The following CFH variants were observed in gnomAD, a reference collection of about 807,000 sequenced individuals.
CFH encodes complement factor H, also known as H factor 1 (complement).
Under a neutral mutation model 147.3 loss-of-function variants are expected in CFH, and 53 were observed. The ratio of observed to expected loss-of-function variants is 0.36; its 90% CI spans 0.29 to 0.45. The LOEUF (loss-of-function observed/expected upper bound fraction) is 0.45. Among genes scored for constraint, CFH ranks in the 20% least tolerant of loss-of-function variants. The pLI is 1.00. For missense variants in CFH, 1,380 were observed against 1,498.0 expected, an observed-to-expected ratio of 0.92 and a Z score of 1.30; for synonymous variants, 536 against 489.4, an observed-to-expected ratio of 1.10 and a Z score of -1.26.
intron 9 of CFH, among the ~76,000 whole-genome samples, chr1:196,704,114 A>G (rs1026930721): frequency 2.0e-5 from 3 of 150,266 alleles, no homozygotes; most frequent in South Asian, 2.1e-4. Context: ...GTCTTGCCCT[A>G]TCGCCCAGGC....
chr1:196,715,488 A>G (rs1668847752), intron 10 of CFH, 105 bp from the exon 11 acceptor site: 1 of 864,270 alleles, frequency 1.2e-6, no homozygotes, highest in Non-Finnish European at 1.9e-6. Context: ...GTACCTATTT[A>G]TTAGTAGATC....
At chr1:196,741,681 T>G (rs1033190824) in intron 18 of CFH, 194 bp from the exon 19 acceptor site, 4 of 577,708 alleles carry the variant, frequency 6.9e-6, no homozygotes, top group Non-Finnish European at 9.2e-6. Flanking sequence ...CATTTCTATC[T>G]TGTATTTTTA....
intron 1 of CFH, among the ~76,000 whole-genome samples, chr1:196,654,221 A>G (rs1038001984): frequency 2.0e-5 from 3 of 152,156 alleles, no homozygotes; most frequent in African/African-American, 4.8e-5. Context: ...ACAGCATAAC[A>G]TTTTAGCATT....
At chr1:196,735,231 A>G (rs1222383700) in intron 15 of CFH, among the ~76,000 whole-genome samples, 1 of 152,118 alleles carries the variant, frequency 6.6e-6, no homozygotes, top group Non-Finnish European at 1.5e-5. Context: ...TTTAATTTCA[A>G]AATATTTGTT....
intron 9 of CFH, among the ~76,000 whole-genome samples, chr1:196,707,507 C>T (rs1309094185): frequency 2.0e-5 from 3 of 152,146 alleles, no homozygotes; most frequent in South Asian, 2.1e-4. Context: ...CAGGAAAAGT[C>T]GACATCCTGG....
chr1:196,661,334 C>T (rs1443390074), intron 1 of CFH, among the ~76,000 whole-genome samples: 1 of 152,168 alleles, frequency 6.6e-6, no homozygotes, highest in African/African-American at 2.4e-5. Flanking sequence ...ATTTGTTCCA[C>T]CATGTTAATG....
chr1:196,703,091 G>A (rs1228377159), intron 9 of CFH, among the ~76,000 whole-genome samples: 1 of 152,204 alleles, frequency 6.6e-6, no homozygotes, highest in East Asian at 1.9e-4. Flanking sequence ...TGTTTTTAAT[G>A]TATTTACTGA....
At chr1:196,705,108 T>C (rs762780296) in intron 9 of CFH, among the ~76,000 whole-genome samples, 3 of 152,110 alleles carry the variant, frequency 2.0e-5, no homozygotes, top group Admixed American at 1.3e-4. Context: ...GGACCTCCAA[T>C]TGAAAAATGA....
At chr1:196,720,122 G>A (rs1376269121) in intron 11 of CFH, among the ~76,000 whole-genome samples, 1 of 151,760 alleles carries the variant, frequency 6.6e-6, no homozygotes, top group South Asian at 2.1e-4. Context: ...GAAATCATTT[G>A]AGGTTGTTTA....
At chr1:196,691,541 A>G (rs1437442321) in intron 9 of CFH, among the ~76,000 whole-genome samples, 1 of 151,942 alleles carries the variant, frequency 6.6e-6, no homozygotes, top group East Asian at 1.9e-4. Context: ...ATATATATTC[A>G]CAGTTTAATT....
intron 9 of CFH, among the ~76,000 whole-genome samples, chr1:196,693,695 T>C (rs973797770): frequency 1.3e-5 from 2 of 152,044 alleles, no homozygotes; most frequent in African/African-American, 4.8e-5. Flanking sequence ...GACAAGAAAG[T>C]ATTCAGGCTC....
chr1:196,685,311 A>G, intron 7 of CFH, 74 bp downstream of exon 7: 3 of 1,391,090 alleles, frequency 2.2e-6, no homozygotes, highest in South Asian at 1.2e-5. Context: ...ATAGGGACTC[A>G]ATAAAACCAA....
chr1:196,671,184 A>G (rs964968361), intron 1 of CFH, among the ~76,000 whole-genome samples: 1 of 151,908 alleles, frequency 6.6e-6, no homozygotes, highest in African/African-American at 2.4e-5. Context: ...TCTTTTTTAA[A>G]TTTTCATTTC....
At chr1:196,726,441 C>A in intron 12 of CFH, 29 bp from the exon 13 acceptor site, 1 of 1,521,044 alleles carries the variant, frequency 6.6e-7, no homozygotes, top group Non-Finnish European at 9.1e-7. Flanking sequence ...GACAATTTAA[C>A]CATTATTTAC....
chr1:196,699,805 T>A (rs935871963), intron 9 of CFH, among the ~76,000 whole-genome samples: 7 of 152,160 alleles, frequency 4.6e-5, no homozygotes, highest in African/African-American at 1.4e-4. Context: ...CCTCAAAAAA[T>A]TTTTAAAAAC....
chr1:196,698,939 G>A (rs1668369102), intron 9 of CFH, among the ~76,000 whole-genome samples: 1 of 151,972 alleles, frequency 6.6e-6, no homozygotes, highest in Admixed American at 6.6e-5. Flanking sequence ...ATCAATAAAT[G>A]TAATGACAAA....
In CFH at chr1:196,741,900, C is replaced by T; in HGVS notation, c.2982C>T (p.Ser994=). The change falls in exon 19 of 22, where the codon AGC becomes AGT. Residue 994 remains serine, a synonymous_variant. Coordinates refer to ENST00000367429, the MANE Select transcript of CFH (RefSeq NM_000186.4). ...CIKTDCLSLP[S]FENAIPMGEK... The stretch of plus-strand genomic sequence containing the variant: ...AAACAGATTGTCTCAGTTTACCTAG[C>T]TTTGAAAATGCCATACCCATGGGAG... 1 of 1,614,120 alleles carries T rather than the reference C, an allele frequency of 6.2e-7. No homozygotes were observed. The highest frequency in any genetic ancestry group is 8.5e-7 in the Non-Finnish European group (1 of 1,179,996).
At chr1:196,710,548 A>G (rs1024760485) in intron 9 of CFH, among the ~76,000 whole-genome samples, 13 of 151,860 alleles carry the variant, frequency 8.6e-5, no homozygotes, top group Non-Finnish European at 1.5e-5. Context: ...GAGTTTTTCA[A>G]CTTCTCTTAT....
intron 6 of CFH, 77 bp from the exon 7 acceptor site, chr1:196,684,987 T>A (rs555272410): frequency 1.7e-6 from 2 of 1,162,740 alleles, no homozygotes; most frequent in South Asian, 2.5e-5. Context: ...TAACACCCAC[T>A]TTTAAATGTT....
Sources: gnomAD v4.1 joint callset for allele counts (sites outside exome capture counted in the v4.1 genomes callset) on GRCh38, gnomAD v4.1.1 for gene constraint, MANE v1.5 for transcripts, NCBI Gene and HGNC (gene_info 2026-07-23, HGNC 2026-07-21) for gene names.